The following FHIT variants were observed in gnomAD, a reference collection of about 807,000 sequenced individuals.
The protein encoded by FHIT is bis(5'-adenosyl)-triphosphatase.
Under a neutral mutation model 17.9 loss-of-function variants are expected in FHIT, and 19 were observed. The ratio of observed to expected loss-of-function variants is 1.06; its 90% CI spans 0.74 to 1.56. The LOEUF is 1.56. Among genes scored for constraint, FHIT ranks in the 40% most tolerant of loss-of-function variants. The pLI, the probability that FHIT is intolerant of heterozygous loss-of-function variation, is 0.00. For synonymous variants in FHIT, 81 were observed against 69.7 expected (o/e 1.16, Z -0.81); for missense variants, 248 against 189.2 (o/e 1.31, Z -1.82).
At chr3:60,650,395 G>C (rs2039963906) in intron 4 of FHIT, among the ~76,000 whole-genome samples, 1 of 152,062 alleles carries the variant, frequency 6.6e-6, no homozygotes, top group Non-Finnish European at 1.5e-5. Flanking sequence ...GCCCAGACTA[G>C]TCATCAAGTG....
chr3:60,916,383 C>T (rs999952947), intron 3 of FHIT, among the ~76,000 whole-genome samples: 11 of 152,134 alleles, frequency 7.2e-5, no homozygotes, highest in Admixed American at 3.3e-4. Flanking sequence ...ATTCATGATA[C>T]CAATACATCT....
chr3:60,614,349 A>T (rs1041192371), intron 4 of FHIT, among the ~76,000 whole-genome samples: 1 of 152,162 alleles, frequency 6.6e-6, no homozygotes, highest in Non-Finnish European at 1.5e-5. Flanking sequence ...GGTGGCTCAC[A>T]CCTACAATCC....
intron 4 of FHIT, among the ~76,000 whole-genome samples, chr3:60,820,317 C>T (rs1559747576): frequency 6.6e-6 from 1 of 151,924 alleles, no homozygotes; most frequent in Admixed American, 6.6e-5. Context: ...AAAAAGAAAG[C>T]CCTCCTTCAG....
intron 2 of FHIT, among the ~76,000 whole-genome samples, chr3:61,048,625 TG>T (rs2033905788): frequency 6.6e-6 from 1 of 152,210 alleles, no homozygotes; most frequent in Non-Finnish European, 1.5e-5. Context: ...ATCCTATTAC[TG>T]GGTATATACC....
At chr3:60,251,194 A>T (rs1044710429) in intron 5 of FHIT, among the ~76,000 whole-genome samples, 1 of 152,202 alleles carries the variant, frequency 6.6e-6, no homozygotes, top group Admixed American at 6.5e-5. Context: ...CCATATCCAT[A>T]AAAAACAGCC....
intron 4 of FHIT, among the ~76,000 whole-genome samples, chr3:60,568,374 G>A (rs370504698): frequency 9.7e-4 from 147 of 151,884 alleles, no homozygotes; most frequent in Non-Finnish European, 1.5e-3. Context: ...ACCAAATACC[G>A]CGTGTTCTCA....
At chr3:59,803,399 C>T (rs1213415926) in intron 8 of FHIT, among the ~76,000 whole-genome samples, 1 of 152,194 alleles carries the variant, frequency 6.6e-6, no homozygotes, top group Non-Finnish European at 1.5e-5. Context: ...TTGCTCTTCA[C>T]CTGGGTGAGC....
At chr3:61,201,713 T>G (rs2039018405) in intron 1 of FHIT, among the ~76,000 whole-genome samples, 1 of 151,206 alleles carries the variant, frequency 6.6e-6, no homozygotes. Context: ...GGTAGGTCCC[T>G]TCTATGGGAC....
chr3:60,345,861 T>TAG (rs200035004), intron 5 of FHIT, among the ~76,000 whole-genome samples: 1 of 152,148 alleles, frequency 6.6e-6, no homozygotes, highest in African/African-American at 2.4e-5. Context: ...TACTAACATA[T>TAG]TTGTATATAC....
chr3:60,863,138 G>T (rs1198513235), intron 3 of FHIT, among the ~76,000 whole-genome samples: 2 of 152,150 alleles, frequency 1.3e-5, no homozygotes, highest in African/African-American at 4.8e-5. Context: ...AAGATAAGAT[G>T]AATCATTGAT....
rs1225798836 is a variant in FHIT at position 60,114,474 on chromosome 3, A to G, written c.104-100322T>C. 1.2e-4 allele frequency among the ~76,000 whole-genome samples: 16 copies of G among 138,210 alleles called. No individual in the cohort carries two copies. In the East Asian group the frequency reaches 3.1e-3, roughly 27 times the overall value. 90.7% of individuals were successfully genotyped at this position (138,210 alleles called of 152,430 possible). A position where few individuals can be genotyped will look rare whatever the true frequency, so the allele number is the denominator to read the frequency against. ...ACAGAAATGGCCCTTAAAATAAGGA[A>G]GAACAAGAGAAATCCTTTTTTTTTT... is the stretch of plus-strand genomic sequence containing the variant. On this transcript the variant is annotated intron_variant, in intron 5 of 9. Transcript: ENST00000492590.
chr3:59,931,339 T>A (rs1204336638), intron 7 of FHIT, among the ~76,000 whole-genome samples: 1 of 152,190 alleles, frequency 6.6e-6, no homozygotes, highest in Non-Finnish European at 1.5e-5. Context: ...GGAGGCCTCA[T>A]CTTCTGCAAC....
chr3:60,094,101 AAAAC>A (rs1703841880), intron 5 of FHIT, among the ~76,000 whole-genome samples: 2 of 152,174 alleles, frequency 1.3e-5, no homozygotes, highest in South Asian at 2.1e-4. Context: ...TGAAGATTAA[AAAAC>A]AGAGAGACAG....
At chr3:61,130,439 T>A (rs2036731349) in intron 2 of FHIT, among the ~76,000 whole-genome samples, 1 of 152,218 alleles carries the variant, frequency 6.6e-6, no homozygotes, top group African/African-American at 2.4e-5. Context: ...CAATTCTGAA[T>A]TCCGGTACAC....
intron 5 of FHIT, among the ~76,000 whole-genome samples, chr3:60,080,379 T>C (rs1252032920): frequency 6.6e-6 from 1 of 151,880 alleles, no homozygotes; most frequent in African/African-American, 2.4e-5. Flanking sequence ...AAATCAGGAG[T>C]CTAGCCATCA....
At chr3:59,798,015 AG>A (rs926395594) in intron 8 of FHIT, among the ~76,000 whole-genome samples, 3 of 152,200 alleles carry the variant, frequency 2.0e-5, no homozygotes, top group African/African-American at 7.2e-5. Context: ...AGCACTGCTT[AG>A]GGTCCCAAAG....
At chr3:60,044,385 T>C (rs996421890) in intron 5 of FHIT, among the ~76,000 whole-genome samples, 2 of 152,212 alleles carry the variant, frequency 1.3e-5, no homozygotes, top group African/African-American at 4.8e-5. Flanking sequence ...TCCCAAAGCA[T>C]GCAGAACCCC....
At chr3:60,688,812 C>T (rs1344694748) in intron 4 of FHIT, among the ~76,000 whole-genome samples, 1 of 152,170 alleles carries the variant, frequency 6.6e-6, no homozygotes, top group African/African-American at 2.4e-5. Context: ...ATGTTTGTAA[C>T]ACTGTAATCT....
chr3:60,163,861 C>G (rs1028779944), intron 5 of FHIT, among the ~76,000 whole-genome samples: 2 of 152,176 alleles, frequency 1.3e-5, no homozygotes, highest in Non-Finnish European at 2.9e-5. Context: ...AAACACTGAT[C>G]TATTGCTCTT....
Sources: allele counts gnomAD v4.1 joint callset (sites outside exome capture counted in the v4.1 genomes callset), GRCh38; gene constraint gnomAD v4.1.1; transcripts MANE v1.5; gene names NCBI Gene and HGNC (gene_info 2026-07-23, HGNC 2026-07-21).